Variants in BTRC observed in about 807,000 individuals in gnomAD.
BTRC encodes the protein F-box/WD repeat-containing protein 1A.
BTRC carries 42 observed loss-of-function variants against 85.5 expected under a neutral mutation model. The ratio of observed to expected loss-of-function variants is 0.49; its 90% CI spans 0.38 to 0.64. BTRC has a LOEUF of 0.64. Among genes scored for constraint, BTRC ranks in the 30% least tolerant of loss-of-function variants. The pLI, the probability that BTRC is intolerant of heterozygous loss-of-function variation, is 0.00. For missense variants in BTRC, 594 were observed against 743.5 expected (o/e 0.80, Z 2.34); for synonymous variants, 255 against 263.3 (o/e 0.97, Z 0.30).
intron 2 of BTRC, among the ~76,000 whole-genome samples, chr10:101,436,668 A>AGATAGATAGATT (rs541330195): frequency 7.3e-5 from 11 of 151,528 alleles, no homozygotes; most frequent in African/African-American, 1.5e-4. Context: ...ATAGATAGAT[A>AGATAGATAGATT]GATTTATATG....
chr10:101,522,373 A>AC (rs2062124806), intron 5 of BTRC, among the ~76,000 whole-genome samples: 2 of 69,242 alleles, frequency 2.9e-5, no homozygotes, highest in Non-Finnish European at 6.2e-5. Flanking sequence ...AAAACAAAAA[A>AC]AAACAAAAAA....
chr10:101,457,517 A>G (rs1030457787), intron 2 of BTRC, among the ~76,000 whole-genome samples: 5 of 152,338 alleles, frequency 3.3e-5, no homozygotes, highest in Admixed American at 1.3e-4. Flanking sequence ...TTAGGACCTC[A>G]GTTGACTGTA....
At chr10:101,421,574 GTCATTTACATTAGGTATAT>G (rs1944100988) in intron 1 of BTRC, among the ~76,000 whole-genome samples, 27 of 149,918 alleles carry the variant, frequency 1.8e-4, no homozygotes, top group Admixed American at 1.8e-3. Context: ...CCATTAACTC[GTCATTTACATTAGGTATAT>G]CTCCTAATGC....
chr10:101,536,446 T>C lies in BTRC; in HGVS notation c.1467-97T>C, dbSNP rs1564834045. The C allele has an allele frequency of 3.6e-6, 3 of 834,940 alleles. No individual in the cohort carries two copies. The East Asian group carries it at 7.4e-5, about 21-fold the overall frequency. 51.7% of individuals were successfully genotyped at this position (834,940 alleles called of 1,614,324 possible). On this transcript the variant is annotated intron_variant, in intron 11 of 14. Coordinates refer to ENST00000370187, the MANE Select transcript of BTRC (RefSeq NM_033637.4). ...GTGTGGGTGGTGATTGATTTTATTT[T>C]ATGAATTTTTAGAAGGCATATGAGG...
Position 101,531,292 on chromosome 10 carries a change from TTTTATA to T in BTRC, c.800_805del (p.Phe267_Arg269delinsTer). Reference sequence around the variant, plus strand: ...TGACGGGAATGCTCCTCCCAACTCTTTTTATAGAGCACTTTATCCTAAAATTATACA... The same window carrying T: ...TGACGGGAATGCTCCTCCCAACTCTTGAGCACTTTATCCTAAAATTATACA... On this transcript the variant is annotated stop_gained and inframe_deletion, in exon 7 of 15. Coordinates refer to ENST00000370187, the MANE Select transcript of BTRC (RefSeq NM_033637.4). LOFTEE classifies it high-confidence loss of function. 1 of 1,611,378 alleles carries T rather than the reference TTTTATA, an allele frequency of 6.2e-7. No individual in the cohort carries two copies. The highest frequency in any genetic ancestry group is 8.5e-7 in the Non-Finnish European group (1 of 1,177,534).
In BTRC at chr10:101,525,994, C is replaced by T. The variant is rs1489434825; in HGVS notation, c.557-19C>T. The T allele has an allele frequency of 1.9e-6, 3 of 1,609,160 alleles. No homozygotes were observed. Among genetic ancestry groups the T allele is most frequent in the Non-Finnish European group, 2.5e-6 (3 of 1,176,572 alleles). ...CACCTTCTGTGTTCTTTTTCTTTGCCTCCTCCCCCTACTGAAAGCTCGGGG... is the reference window on the plus strand; with the variant it reads ...CACCTTCTGTGTTCTTTTTCTTTGCTTCCTCCCCCTACTGAAAGCTCGGGG... On this transcript the variant is annotated intron_variant, in intron 5 of 14. Transcript: ENST00000370187.
intron 4 of BTRC, among the ~76,000 whole-genome samples, chr10:101,518,369 C>T (rs1421056095): frequency 6.6e-6 from 1 of 152,158 alleles, no homozygotes; most frequent in South Asian, 2.1e-4. Context: ...ATCCTCCATA[C>T]CTGTCTCTTT....
chr10:101,523,961 A>G (rs1189509041), intron 5 of BTRC, among the ~76,000 whole-genome samples: 3 of 152,156 alleles, frequency 2.0e-5, no homozygotes, highest in Non-Finnish European at 4.4e-5. Flanking sequence ...TAGAATCACT[A>G]TATATTAAGG....
chr10:101,414,809 AAAC>A (rs1199863099), intron 1 of BTRC: 1 of 162,150 alleles, frequency 6.2e-6, no homozygotes, highest in Non-Finnish European at 1.3e-5. Context: ...TTTAAATAGG[AAAC>A]AACTTATAAA....
intron 1 of BTRC, among the ~76,000 whole-genome samples, chr10:101,377,054 C>T (rs1347737931): frequency 6.6e-6 from 1 of 152,114 alleles, no homozygotes; most frequent in Non-Finnish European, 1.5e-5. Context: ...TATCACTCCC[C>T]CGCAAAAAAC....
At chr10:101,387,921 C>T (rs570200087) in intron 1 of BTRC, among the ~76,000 whole-genome samples, 8 of 152,050 alleles carry the variant, frequency 5.3e-5, no homozygotes, top group South Asian at 2.1e-4. Context: ...AACTCCTGAC[C>T]TCAGGTGATC....
intron 1 of BTRC, among the ~76,000 whole-genome samples, chr10:101,416,169 T>G (rs2134039213): frequency 6.6e-6 from 1 of 152,360 alleles, no homozygotes; most frequent in East Asian, 1.9e-4. Flanking sequence ...TCATCCATGT[T>G]GCAGCATGTG....
chr10:101,385,618 C>CTTCTTTTT (rs1554865839), intron 1 of BTRC, among the ~76,000 whole-genome samples: 4 of 79,808 alleles, frequency 5.0e-5, no homozygotes, highest in Non-Finnish European at 7.4e-5. Flanking sequence ...TCTTCTTCTT[C>CTTCTTTTT]TTTTTTTTTT....
intron 4 of BTRC, among the ~76,000 whole-genome samples, chr10:101,482,510 C>T (rs1451116673): frequency 1.3e-5 from 2 of 151,494 alleles, no homozygotes; most frequent in African/African-American, 4.9e-5. Context: ...ATTTTCCTGC[C>T]TCAGCCTCCT....
intron 2 of BTRC, among the ~76,000 whole-genome samples, chr10:101,440,337 T>G (rs993085755): frequency 1.4e-5 from 2 of 147,980 alleles, no homozygotes; most frequent in African/African-American, 5.4e-5. Context: ...TTTCATCCCT[T>G]TTGGGGCATT....
rs1564842344 is a variant in BTRC at position 101,550,867 on chromosome 10, A to G, written c.*7A>G. ...CACCTACATCTCCAGATAAATAACC[A>G]TACACTGACCTCATACTTGCCCAGG... On this transcript the variant is annotated 3_prime_UTR_variant, in exon 14 of 15. Transcript: ENST00000370187. The G allele has an allele frequency of 1.2e-6, 2 of 1,609,756 alleles. No homozygotes were observed. The highest frequency in any genetic ancestry group is 1.7e-5 in the Admixed American group (1 of 59,954).
At chr10:101,393,119 ACT>A (rs753276889) in intron 1 of BTRC, among the ~76,000 whole-genome samples, 2 of 151,962 alleles carry the variant, frequency 1.3e-5, no homozygotes, top group South Asian at 2.1e-4. Flanking sequence ...TTCCATAAAA[ACT>A]CAAGAGGACT....
intron 2 of BTRC, among the ~76,000 whole-genome samples, chr10:101,442,072 C>G (rs994207020): frequency 6.6e-6 from 1 of 151,996 alleles, no homozygotes; most frequent in African/African-American, 2.4e-5. Context: ...GCCAGAAAAG[C>G]ATAGAAAAGC....
intron 7 of BTRC, among the ~76,000 whole-genome samples, chr10:101,531,769 T>A (rs2062285680): frequency 6.6e-6 from 1 of 151,932 alleles, no homozygotes; most frequent in Non-Finnish European, 1.5e-5. Context: ...GCGAGTAGGG[T>A]AGGTAAAATA....
Sources: gnomAD v4.1 joint callset for allele counts (sites outside exome capture counted in the v4.1 genomes callset) on GRCh38, gnomAD v4.1.1 for gene constraint, MANE v1.5 for transcripts, NCBI Gene and HGNC (gene_info 2026-07-23, HGNC 2026-07-21) for gene names.